STK32B: variants seen among roughly 807,000 people sequenced by gnomAD.
STK32B encodes the protein serine/threonine-protein kinase 32B.
STK32B carries 43 observed loss-of-function variants against 52.6 expected under a neutral mutation model. That is an observed-to-expected ratio of 0.82 (90% CI 0.64 to 1.05). STK32B has a LOEUF of 1.05. Ranked by LOEUF, STK32B falls within the 50% of genes least tolerant of loss-of-function variation. The pLI, the probability that STK32B is intolerant of heterozygous loss-of-function variation, is 0.00. For synonymous variants in STK32B, 238 were observed against 204.3 expected (o/e 1.17, Z -1.41); for missense variants, 621 against 534.6 (o/e 1.16, Z -1.59).
intron 3 of STK32B, among the ~76,000 whole-genome samples, chr4:5,283,507 AAATTT>A (rs1728344057): frequency 6.6e-6 from 1 of 152,178 alleles, no homozygotes; most frequent in African/African-American, 2.4e-5. Flanking sequence ...GTTGCCAGTC[AAATTT>A]AATCCAAAGA....
intron 4 of STK32B, among the ~76,000 whole-genome samples, chr4:5,382,682 T>G (rs1020339756): frequency 6.6e-6 from 1 of 152,174 alleles, no homozygotes; most frequent in African/African-American, 2.4e-5. Flanking sequence ...GTATTTCTCT[T>G]CTCCCGAGCA....
intron 2 of STK32B, among the ~76,000 whole-genome samples, chr4:5,141,023 G>C (rs1030773704): frequency 2.0e-5 from 3 of 152,240 alleles, no homozygotes; most frequent in Non-Finnish European, 4.4e-5. Flanking sequence ...GTAGCAGGGA[G>C]AAGTTGCTGT....
At chr4:5,123,127 G>A (rs889819500) in intron 1 of STK32B, among the ~76,000 whole-genome samples, 1 of 152,034 alleles carries the variant, frequency 6.6e-6, no homozygotes, top group Non-Finnish European at 1.5e-5. Flanking sequence ...TCTTTCTCCT[G>A]TGGGCTCTGC....
intron 4 of STK32B, among the ~76,000 whole-genome samples, chr4:5,384,085 G>A (rs573282098): frequency 1.3e-5 from 2 of 152,336 alleles, no homozygotes; most frequent in African/African-American, 4.8e-5. Context: ...AGAGGCCATA[G>A]CGGGGGACAA....
At chr4:5,298,378 C>T (rs937304913) in intron 3 of STK32B, among the ~76,000 whole-genome samples, 55 of 152,118 alleles carry the variant, frequency 3.6e-4, no homozygotes, top group Admixed American at 1.6e-3. Flanking sequence ...GCTGAAGTTG[C>T]GCCCATAGCC....
At chr4:5,473,763 C>T (rs1161630377) in intron 11 of STK32B, among the ~76,000 whole-genome samples, 2 of 152,170 alleles carry the variant, frequency 1.3e-5, no homozygotes, top group Non-Finnish European at 1.5e-5. Flanking sequence ...GCAAACCCAG[C>T]GCATTTGCTG....
chr4:5,148,288 T>C (rs1717079216), intron 2 of STK32B, among the ~76,000 whole-genome samples: 1 of 151,834 alleles, frequency 6.6e-6, no homozygotes. Flanking sequence ...CTTTCTCTTA[T>C]TTTCTTCATC....
chr4:5,331,314 A>G lies in STK32B; in HGVS notation c.355A>G (p.Thr119Ala). 10 of 1,613,938 alleles carry G rather than the reference A, an allele frequency of 6.2e-6. No homozygotes were observed. Among genetic ancestry groups the G allele is most frequent in the African/African-American group, 1.3e-5 (1 of 75,026 alleles). Residue 119 changes from threonine to alanine, a missense_variant, in exon 4 of 12, where the codon ACA becomes GCA. Thr to Ala is a moderately conservative substitution (Grantham distance 58). Transcript: ENST00000282908. ...CCATCTGCAGCAGAATGTGCATTTC[A>G]CAGAGGGGACTGTGAAACTCTACAT... is the stretch of plus-strand genomic sequence containing the variant. ...RYHLQQNVHF[T>A]EGTVKLYICE...
At chr4:5,077,621 G>T (rs528902526) in intron 1 of STK32B, among the ~76,000 whole-genome samples, 1 of 152,096 alleles carries the variant, frequency 6.6e-6, no homozygotes, top group African/African-American at 2.4e-5. Context: ...TGCAGCCAAG[G>T]TTAGATGCTC....
intron 3 of STK32B, among the ~76,000 whole-genome samples, chr4:5,308,845 G>A (rs1371364895): frequency 6.6e-6 from 1 of 151,976 alleles, no homozygotes; most frequent in African/African-American, 2.4e-5. Context: ...AACCAGACAA[G>A]GATGCCCACT....
intron 1 of STK32B, among the ~76,000 whole-genome samples, chr4:5,129,530 C>G (rs1387958864): frequency 2.0e-5 from 3 of 152,162 alleles, no homozygotes; most frequent in Admixed American, 2.0e-4. Context: ...CTCTTCAAAA[C>G]TTATTTGGCA....
Position 5,139,972 on chromosome 4 carries a change from A to G in STK32B, c.108+12A>G. ...GGAGTTTTGGAAAGGTAAGAATATAAATGTCTGGACCACTGGGCTTAAGTA... is the reference window on the plus strand; with the variant it reads ...GGAGTTTTGGAAAGGTAAGAATATAGATGTCTGGACCACTGGGCTTAAGTA... On this transcript the variant is annotated intron_variant, in intron 2 of 11. Transcript: ENST00000282908. 6.2e-7 allele frequency: 1 copy of G among 1,614,134 alleles called. No homozygotes were observed. The highest frequency in any genetic ancestry group is 1.3e-5 in the African/African-American group (1 of 75,040).
At chr4:5,192,037 A>G (rs1319098614) in intron 3 of STK32B, among the ~76,000 whole-genome samples, 2 of 152,208 alleles carry the variant, frequency 1.3e-5, no homozygotes, top group African/African-American at 4.8e-5. Flanking sequence ...CTGTAGAGAC[A>G]TAGAAAACAG....
chr4:5,275,619 T>G lies in STK32B; in HGVS notation c.261-55601T>G, dbSNP rs1379229928. Among the ~76,000 whole-genome samples the G allele has an allele frequency of 4.0e-5, 6 of 151,490 alleles. No homozygotes were observed. The East Asian group carries it at 1.2e-3, about 30-fold the overall frequency. Reference sequence around the variant, plus strand: ...TTGGCTTTGATGTTGTCTCGGTGATTGCCATCATTGCACCCCCATCAGTTT... The same window carrying G: ...TTGGCTTTGATGTTGTCTCGGTGATGGCCATCATTGCACCCCCATCAGTTT... On this transcript the variant is annotated intron_variant, in intron 3 of 11. Coordinates refer to ENST00000282908, the MANE Select transcript of STK32B (RefSeq NM_018401.3).
chr4:5,205,396 T>G (rs1167297593), intron 3 of STK32B, among the ~76,000 whole-genome samples: 1 of 152,202 alleles, frequency 6.6e-6, no homozygotes, highest in Non-Finnish European at 1.5e-5. Flanking sequence ...TTTCTGGTTC[T>G]CTGAAGGACC....
At position 5,499,248 on chromosome 4, in the gene STK32B, G is replaced by A; in HGVS notation, c.*165G>A. The A allele has an allele frequency of 1.0e-6, 1 of 966,114 alleles. No individual in the cohort carries two copies. Among genetic ancestry groups the A allele is most frequent in the Admixed American group, 3.5e-5 (1 of 28,340 alleles). The allele number at this position is 966,114 out of a possible 1,614,324, so 59.8% of individuals were successfully genotyped here. ...GCCTGGGTTCTGGTCCCATCTCCAT[G>A]ACTGATTCACGTGTGACCTCAGACA... is the stretch of plus-strand genomic sequence containing the variant. On this transcript the variant is annotated 3_prime_UTR_variant, in exon 12 of 12. Coordinates refer to ENST00000282908, the MANE Select transcript of STK32B (RefSeq NM_018401.3).
intron 6 of STK32B, among the ~76,000 whole-genome samples, chr4:5,442,472 T>A (rs1714883600): frequency 6.6e-6 from 1 of 150,498 alleles, no homozygotes; most frequent in South Asian, 2.3e-4. Context: ...TCTTCCTCCA[T>A]CCTTTTATTT....
At chr4:5,207,273 C>T (rs1321510287) in intron 3 of STK32B, among the ~76,000 whole-genome samples, 2 of 152,212 alleles carry the variant, frequency 1.3e-5, no homozygotes, top group African/African-American at 4.8e-5. Flanking sequence ...TTTTAGCTCC[C>T]ATAATCCCCA....
intron 3 of STK32B, among the ~76,000 whole-genome samples, chr4:5,316,228 T>C (rs1490078696): frequency 2.6e-5 from 2 of 76,064 alleles, no homozygotes; most frequent in Non-Finnish European, 4.2e-5. Context: ...ATATATTATA[T>C]ATACAATATT....
Sources: gnomAD v4.1 joint callset for allele counts (sites outside exome capture counted in the v4.1 genomes callset) on GRCh38, gnomAD v4.1.1 for gene constraint, MANE v1.5 for transcripts, NCBI Gene and HGNC (gene_info 2026-07-23, HGNC 2026-07-21) for gene names.